USP8: variants seen among roughly 807,000 people sequenced by gnomAD.
USP8 encodes ubiquitin carboxyl-terminal hydrolase 8.
A neutral mutation model predicts 130.0 loss-of-function variants in USP8; 27 were observed. That is an observed-to-expected ratio of 0.21 (90% CI 0.15 to 0.29). USP8 has a LOEUF of 0.29. USP8 is among the 10% of genes least tolerant of loss of function. USP8 has a pLI of 1.00. For missense variants in USP8, 1,029 were observed against 1,312.2 expected, an observed-to-expected ratio of 0.78 and a Z score of 3.33; for synonymous variants, 392 against 444.1, an observed-to-expected ratio of 0.88 and a Z score of 1.48.
At chr15:50,427,642 A>G (rs1394452278) in intron 1 of USP8, among the ~76,000 whole-genome samples, 1 of 149,966 alleles carries the variant, frequency 6.7e-6, no homozygotes, top group Non-Finnish European at 1.5e-5. Flanking sequence ...GGCTCACTGA[A>G]ATGTCCGCCT....
rs5812516 is a variant in USP8, at chr15:50,426,960, C to CTT, written c.-66+2458_-66+2459dup. The CTT allele has an allele frequency of 1.0e-3, 148 of 143,192 alleles. 1 individual carries two copies. The highest frequency in any genetic ancestry group is 2.9e-3 in the Admixed American group (42 of 14,258). The allele number at this position is 143,192 out of a possible 1,614,324, so 8.9% of individuals were successfully genotyped here. ...TCCAGTTTCTTTCTTTCTTCTTCTT[C>CTT]TTTTTTTTTTTTTGAGATGGAGTCT... is the stretch of plus-strand genomic sequence containing the variant. On this transcript the variant is annotated intron_variant, in intron 1 of 19. Transcript: ENST00000307179.
At position 50,506,776 on chromosome 15, in the gene USP8, G is replaced by C. The variant is rs1179569676; in HGVS notation, c.*7688G>C. The C allele has an allele frequency of 6.6e-6, 1 of 151,524 alleles. No individual in the cohort carries two copies. Among genetic ancestry groups the C allele is most frequent in the Non-Finnish European group, 1.5e-5 (1 of 67,986 alleles). 9.4% of individuals were successfully genotyped at this position (151,524 alleles called of 1,614,324 possible). On this transcript the variant is annotated 3_prime_UTR_variant, in exon 20 of 20. Transcript: ENST00000307179. ...AGATCAAGACTATCCTGGCCAACAC[G>C]GTGAAACCTCATCTCTACAAAAATA...
rs1016687664 is a variant in USP8 at position 50,500,043 on chromosome 15, A to T, written c.*955A>T. 1 of 152,164 alleles carries T rather than the reference A, an allele frequency of 6.6e-6. No individual in the cohort carries two copies. Among genetic ancestry groups the T allele is most frequent in the Non-Finnish European group, 1.5e-5 (1 of 68,036 alleles). The allele number at this position is 152,164 out of a possible 1,614,324, so 9.4% of individuals were successfully genotyped here. A position where few individuals can be genotyped will look rare whatever the true frequency, so the allele number is the denominator to read the frequency against. On this transcript the variant is annotated 3_prime_UTR_variant, in exon 20 of 20. Coordinates refer to ENST00000307179, the MANE Select transcript of USP8 (RefSeq NM_005154.5). ...GGTTAAAGGAGCTTATAATTTATTT[A>T]ACCGAGGGACTCAGTTGCTATATAT...
At position 50,440,010 on chromosome 15, in the gene USP8, G is replaced by T. The variant is rs372466149; in HGVS notation, c.104+833G>T. 1.7e-4 allele frequency among the ~76,000 whole-genome samples: 26 copies of T among 152,158 alleles called. No individual in the cohort carries two copies. In the East Asian group the frequency reaches 3.3e-3, roughly 19 times the overall value. Reference sequence around the variant, plus strand: ...GCTGAGGGATCCCTGAGTCCAGGAAGTGGAGGTTGCAGTGAGTCAAGATTG... The same window carrying T: ...GCTGAGGGATCCCTGAGTCCAGGAATTGGAGGTTGCAGTGAGTCAAGATTG... On this transcript the variant is annotated intron_variant, in intron 2 of 19. Transcript: ENST00000307179.
Position 50,505,840 on chromosome 15 carries a change from C to T in USP8, c.*6752C>T, listed in dbSNP as rs900169581. The stretch of plus-strand genomic sequence containing the variant: ...CATGCACAGTAGCATGCCTGTAGTC[C>T]CAGCTACTTGGCAGGCAGAGGCAGG... On this transcript the variant is annotated 3_prime_UTR_variant, in exon 20 of 20. Transcript: ENST00000307179. 1 of 152,234 alleles carries T rather than the reference C, an allele frequency of 6.6e-6. No individual in the cohort carries two copies. The highest frequency in any genetic ancestry group is 6.5e-5 in the Admixed American group (1 of 15,276). The allele number at this position is 152,234 out of a possible 1,614,324, so 9.4% of individuals were successfully genotyped here. A position where few individuals can be genotyped will look rare whatever the true frequency, so the allele number is the denominator to read the frequency against.
intron 7 of USP8, among the ~76,000 whole-genome samples, chr15:50,470,122 C>T (rs1016870366): frequency 2.0e-5 from 3 of 152,126 alleles, no homozygotes; most frequent in Admixed American, 6.6e-5. Context: ...TGTGAGCCAC[C>T]GCGTCCAGCT....
intron 12 of USP8, among the ~76,000 whole-genome samples, chr15:50,488,840 TG>T (rs1271740069): frequency 6.6e-6 from 1 of 151,866 alleles, no homozygotes; most frequent in Non-Finnish European, 1.5e-5. Context: ...CCCAAAGCGC[TG>T]GGATTACAGG....
At chr15:50,453,679 T>C (rs535906744) in intron 4 of USP8, among the ~76,000 whole-genome samples, 23 of 152,170 alleles carry the variant, frequency 1.5e-4, no homozygotes, top group South Asian at 6.2e-4. Flanking sequence ...GGGATGGGGG[T>C]TCAAGTTGTA....
intron 4 of USP8, among the ~76,000 whole-genome samples, chr15:50,449,956 C>A (rs1175418494): frequency 1.4e-5 from 2 of 139,504 alleles, no homozygotes; most frequent in Non-Finnish European, 3.0e-5. Context: ...TGCAGTGGCG[C>A]GATCTCAGCT....
At chr15:50,478,349 G>A (rs2051642941) in intron 10 of USP8, among the ~76,000 whole-genome samples, 2 of 152,126 alleles carry the variant, frequency 1.3e-5, no homozygotes, top group Admixed American at 6.5e-5. Flanking sequence ...TTAAAGAAAG[G>A]TTAACTAATG....
intron 6 of USP8, chr15:50,463,521 C>T (rs1023893399): frequency 1.3e-5 from 2 of 152,172 alleles, no homozygotes; most frequent in African/African-American, 4.8e-5. Flanking sequence ...TAAAATATTG[C>T]CATACAACAA....
chr15:50,475,366 TA>T (rs1469653524), intron 8 of USP8, among the ~76,000 whole-genome samples: 1 of 152,126 alleles, frequency 6.6e-6, no homozygotes, highest in Non-Finnish European at 1.5e-5. Context: ...AAATGCTTAT[TA>T]AAACAAGATA....
At chr15:50,489,778 T>G in intron 12 of USP8, 23 bp from the exon 13 acceptor site, 1 of 1,405,804 alleles carries the variant, frequency 7.1e-7, no homozygotes, top group Non-Finnish European at 9.3e-7. Context: ...TTTTTTTAAT[T>G]TTTTTTATTT....
At chr15:50,487,080 C>T (rs2051988915) in intron 12 of USP8, among the ~76,000 whole-genome samples, 1 of 151,060 alleles carries the variant, frequency 6.6e-6, no homozygotes, top group African/African-American at 2.4e-5. Flanking sequence ...GCCTAGATCA[C>T]GCTACTGCAC....
At chr15:50,477,037 A>G (rs2051590284) in intron 9 of USP8, 44 bp downstream of exon 9, 5 of 1,586,138 alleles carry the variant, frequency 3.2e-6, no homozygotes, top group Non-Finnish European at 3.4e-6. Flanking sequence ...TTGGTAAAAT[A>G]TGGTTTAAAA....
chr15:50,430,887 A>G (rs2049908515), intron 1 of USP8, among the ~76,000 whole-genome samples: 2 of 152,216 alleles, frequency 1.3e-5, no homozygotes, highest in African/African-American at 4.8e-5. Context: ...TCCAGGACAC[A>G]TTCGGCAATG....
intron 16 of USP8, among the ~76,000 whole-genome samples, chr15:50,494,815 G>C (rs896338880): frequency 2.6e-5 from 4 of 152,138 alleles, no homozygotes; most frequent in African/African-American, 9.7e-5. Flanking sequence ...AGGAGTTTGA[G>C]CCCAGCCTGG....
chr15:50,435,350 C>T (rs970145830), intron 1 of USP8, among the ~76,000 whole-genome samples: 1 of 152,112 alleles, frequency 6.6e-6, no homozygotes, highest in Non-Finnish European at 1.5e-5. Context: ...CTAACCAATA[C>T]AATGTAACAA....
At chr15:50,424,609 C>G (rs751815942) in intron 1 of USP8, 95 bp downstream of exon 1, 6 of 397,454 alleles carry the variant, frequency 1.5e-5, no homozygotes, top group Non-Finnish European at 2.7e-5. Flanking sequence ...CTGGTTACCC[C>G]GGAGACAAGC....
Sources: gnomAD v4.1 joint callset for allele counts (sites outside exome capture counted in the v4.1 genomes callset) on GRCh38, gnomAD v4.1.1 for gene constraint, MANE v1.5 for transcripts, NCBI Gene and HGNC (gene_info 2026-07-23, HGNC 2026-07-21) for gene names.